RNF220: variants seen among roughly 807,000 people sequenced by gnomAD.
RNF220 encodes ring finger protein 220.
In RNF220, 7 loss-of-function variants were observed where a neutral mutation model predicts 67.1. The observed-to-expected ratio is 0.10, with a 90% CI of 0.06 to 0.20. The LOEUF (loss-of-function observed/expected upper bound fraction) is 0.20, where lower values mean the gene tolerates loss of function less well. Ranked by LOEUF, RNF220 falls within the 10% of genes least tolerant of loss-of-function variation. RNF220 has a pLI of 1.00. For synonymous variants in RNF220, 270 were observed against 283.2 expected, an observed-to-expected ratio of 0.95 and a Z score of 0.47; for missense variants, 565 against 740.3, an observed-to-expected ratio of 0.76 and a Z score of 2.75.
intron 2 of RNF220, among the ~76,000 whole-genome samples, chr1:44,598,602 T>C (rs886966145): frequency 2.0e-5 from 3 of 152,124 alleles, no homozygotes; most frequent in African/African-American, 4.8e-5. Flanking sequence ...CAGAGAGGCC[T>C]GCCGAGGGCT....
intron 2 of RNF220, among the ~76,000 whole-genome samples, chr1:44,440,677 CA>C (rs768108280): frequency 6.6e-5 from 10 of 152,128 alleles, no homozygotes; most frequent in African/African-American, 9.7e-5. Flanking sequence ...TTTGTCACTC[CA>C]GCAGACTTCA....
intron 2 of RNF220, among the ~76,000 whole-genome samples, chr1:44,542,511 G>A (rs1558026828): frequency 6.6e-6 from 1 of 152,344 alleles, no homozygotes; most frequent in East Asian, 1.9e-4. Flanking sequence ...CCAGGCTCAG[G>A]CGCACAATCC....
At chr1:44,597,961 CCCACCTCT>C (rs1558078609) in intron 2 of RNF220, among the ~76,000 whole-genome samples, 8 of 145,624 alleles carry the variant, frequency 5.5e-5, no homozygotes, top group African/African-American at 2.1e-4. Flanking sequence ...CCCCACCCCA[CCCACCTCT>C]CTCTCTCTCT....
At position 44,645,637 on chromosome 1, in the gene RNF220, C is replaced by A; in HGVS notation, c.1445+149C>A. On this transcript the variant is annotated intron_variant, in intron 12 of 14. Coordinates refer to ENST00000361799, the MANE Select transcript of RNF220 (RefSeq NM_018150.4). The surrounding 1 kb of genome is among the most constrained non-coding windows in gnomAD (Gnocchi z 5.0). ...CTGGGCACACGGCCGGCAGTGGAGC[C>A]CAGCTGGTGCTAAGCGTGACTCTGT... The A allele has an allele frequency of 1.4e-6, 1 of 738,286 alleles. No individual in the cohort carries two copies. Among genetic ancestry groups the A allele is most frequent in the Non-Finnish European group, 2.3e-6 (1 of 440,042 alleles). 45.7% of individuals were successfully genotyped at this position (738,286 alleles called of 1,614,324 possible).
Position 44,645,493 on chromosome 1 carries a change from GTGTT to G in RNF220, c.1445+8_1445+11del, listed in dbSNP as rs1644614202. Reference sequence around the variant, plus strand: ...CAAGAACAGCGACATCGAGAAGTAAGTGTTTGGCCAGGAGAGAGCCCTGGGACCA... The same window carrying G: ...CAAGAACAGCGACATCGAGAAGTAAGTGGCCAGGAGAGAGCCCTGGGACCA... On this transcript the variant is annotated splice_donor_region_variant and intron_variant, in intron 12 of 14. Transcript: ENST00000361799. The surrounding 1 kb of genome is among the most constrained non-coding windows in gnomAD (Gnocchi z 5.0). The G allele has an allele frequency of 2.5e-6, 4 of 1,613,698 alleles. No homozygotes were observed. The highest frequency in any genetic ancestry group is 3.4e-6 in the Non-Finnish European group (4 of 1,179,886).
chr1:44,649,673 T>G lies in RNF220; in HGVS notation c.1458T>G (p.Asp486Glu), dbSNP rs1187345189. The G allele has an allele frequency of 6.2e-7, 1 of 1,613,990 alleles. No individual in the cohort carries two copies. The highest frequency in any genetic ancestry group is 1.7e-5 in the Admixed American group (1 of 60,002). ...TTCCTTTTTACAGAATCACCGAAGA[T>G]TCAGCTGTGACCACGTTTGAGGCTC... ...KNSDIEKITE[D>E]SAVTTFEALK... Residue 486 changes from aspartate to glutamate, a missense_variant, in exon 13 of 15, where the codon GAT becomes GAG. Transcript: ENST00000361799. This position sits in a 1 kb window ranked among gnomAD's most constrained non-coding sequence, Gnocchi z 5.9.
At chr1:44,432,509 A>C (rs1650498463) in intron 2 of RNF220, among the ~76,000 whole-genome samples, 1 of 151,540 alleles carries the variant, frequency 6.6e-6, no homozygotes, top group African/African-American at 2.4e-5. Flanking sequence ...ATCTCAAGTG[A>C]TCCTCCTGCC....
intron 4 of RNF220, among the ~76,000 whole-genome samples, chr1:44,625,081 T>C (rs947146463): frequency 2.0e-5 from 3 of 151,866 alleles, no homozygotes; most frequent in Non-Finnish European, 1.5e-5. Flanking sequence ...AGGAGCTTTT[T>C]CATGGGCCGG....
At chr1:44,601,333 AAGG>A (rs1666903369) in intron 2 of RNF220, among the ~76,000 whole-genome samples, 3 of 152,090 alleles carry the variant, frequency 2.0e-5, no homozygotes, top group Non-Finnish European at 2.9e-5. Context: ...GTGAGAAGAG[AAGG>A]AGAAGAAAAG....
rs544363606 is a variant in RNF220, at chr1:44,607,532, G to T, written c.626-6633G>T. On this transcript the variant is annotated intron_variant, in intron 2 of 14. Coordinates refer to ENST00000361799, the MANE Select transcript of RNF220 (RefSeq NM_018150.4). The stretch of plus-strand genomic sequence containing the variant: ...GACGGAGTCTCGCTTTGTCACCCAG[G>T]CTGGAGTGCAGTGGTGCAATCTCAG... Among the ~76,000 whole-genome samples the T allele has an allele frequency of 7.5e-5, 11 of 147,436 alleles. No individual in the cohort carries two copies. In the Admixed American group the frequency reaches 7.6e-4, roughly 10 times the overall value.
At chr1:44,569,172 C>G (rs952387170) in intron 2 of RNF220, among the ~76,000 whole-genome samples, 2 of 152,136 alleles carry the variant, frequency 1.3e-5, no homozygotes, top group African/African-American at 4.8e-5. Context: ...CCAAGGGAGA[C>G]TTTGGAAAGG....
At chr1:44,614,081 G>A in intron 2 of RNF220, 84 bp from the exon 3 acceptor site, 2 of 1,575,778 alleles carry the variant, frequency 1.3e-6, no homozygotes, top group East Asian at 2.3e-5. Flanking sequence ...GCAGCAGCAG[G>A]CTTGGGTTTC....
At chr1:44,632,010 G>T in intron 5 of RNF220, 1 of 1,029,274 alleles carries the variant, frequency 9.7e-7, no homozygotes, top group Non-Finnish European at 1.2e-6. Context: ...CTGAAGTGCC[G>T]CCGCCGCCGG....
chr1:44,458,844 G>A (rs1377878709), intron 2 of RNF220, among the ~76,000 whole-genome samples: 3 of 152,224 alleles, frequency 2.0e-5, no homozygotes, highest in Non-Finnish European at 4.4e-5. Context: ...CCTGCCAGCC[G>A]TGAGCATTCA....
At chr1:44,533,788 A>G (rs1558018886) in intron 2 of RNF220, among the ~76,000 whole-genome samples, 1 of 152,210 alleles carries the variant, frequency 6.6e-6, no homozygotes, top group East Asian at 1.9e-4. Flanking sequence ...TTGGCACTGG[A>G]AAAAAGTGGA....
At chr1:44,592,808 C>T (rs2378723) in intron 2 of RNF220, among the ~76,000 whole-genome samples, 56,520 of 152,006 alleles carry the variant, frequency 0.37, 11,201 homozygotes, top group African/African-American at 0.51. Flanking sequence ...CAGGTCTCCC[C>T]GAGGCCAAAG....
At chr1:44,510,149 G>A (rs1658862846) in intron 2 of RNF220, among the ~76,000 whole-genome samples, 1 of 151,220 alleles carries the variant, frequency 6.6e-6, no homozygotes, top group African/African-American at 2.4e-5. Flanking sequence ...TGAGGTGAGA[G>A]GATTGCTTGA....
At chr1:44,433,826 G>A (rs1650665369) in intron 2 of RNF220, among the ~76,000 whole-genome samples, 1 of 152,172 alleles carries the variant, frequency 6.6e-6, no homozygotes, top group Non-Finnish European at 1.5e-5. Flanking sequence ...AGCTGGTGCA[G>A]TGGTGCATGT....
chr1:44,628,373 A>G (rs1473198145), intron 5 of RNF220, among the ~76,000 whole-genome samples: 1 of 152,242 alleles, frequency 6.6e-6, no homozygotes, highest in Admixed American at 6.5e-5. Context: ...GCCTAAAAAC[A>G]TACGCATGTG....
Sources: allele counts gnomAD v4.1 joint callset (sites outside exome capture counted in the v4.1 genomes callset), GRCh38; gene constraint gnomAD v4.1.1; non-coding constraint Gnocchi (gnomAD v3.1); transcripts MANE v1.5; gene names NCBI Gene and HGNC (gene_info 2026-07-23, HGNC 2026-07-21).